KCNIP4: variants seen among roughly 807,000 people sequenced by gnomAD.
KCNIP4 encodes potassium voltage-gated channel interacting protein 4.
KCNIP4 carries 12 observed loss-of-function variants against 34.0 expected under a neutral mutation model. The ratio of observed to expected loss-of-function variants is 0.35; its 90% confidence interval spans 0.23 to 0.57. The LOEUF (loss-of-function observed/expected upper bound fraction) is 0.57. KCNIP4 is among the 20% of genes least tolerant of loss of function. The pLI is 0.83. For synonymous variants in KCNIP4, 124 were observed against 102.2 expected (o/e 1.21, Z -1.29); for missense variants, 238 against 311.7 (o/e 0.76, Z 1.78).
At chr4:21,152,106 A>T (rs1752801306) in intron 1 of KCNIP4, among the ~76,000 whole-genome samples, 1 of 152,262 alleles carries the variant, frequency 6.6e-6, no homozygotes, top group South Asian at 2.1e-4. Context: ...TACAAAAATT[A>T]GCCAGGCATG....
chr4:21,668,619 G>C (rs1749215767), intron 1 of KCNIP4, among the ~76,000 whole-genome samples: 1 of 151,984 alleles, frequency 6.6e-6, no homozygotes, highest in Non-Finnish European at 1.5e-5. Context: ...TATACAAGAA[G>C]ATAACAATAT....
chr4:21,494,033 A>C (rs962717919), intron 1 of KCNIP4, among the ~76,000 whole-genome samples: 1 of 152,216 alleles, frequency 6.6e-6, no homozygotes, highest in Non-Finnish European at 1.5e-5. Flanking sequence ...TTTAATCCTC[A>C]TAACAATTTT....
At chr4:20,862,380 A>C (rs1162270123) in intron 2 of KCNIP4, among the ~76,000 whole-genome samples, 2 of 152,184 alleles carry the variant, frequency 1.3e-5, no homozygotes, top group Non-Finnish European at 2.9e-5. Flanking sequence ...GCTCAGACAG[A>C]AAATCTACAA....
At chr4:20,876,063 A>C (rs1723988369) in intron 2 of KCNIP4, among the ~76,000 whole-genome samples, 1 of 152,058 alleles carries the variant, frequency 6.6e-6, no homozygotes, top group Non-Finnish European at 1.5e-5. Flanking sequence ...AAAAACAAAA[A>C]CCCCTGGAAT....
intron 1 of KCNIP4, among the ~76,000 whole-genome samples, chr4:21,323,278 T>C (rs1284124669): frequency 6.6e-6 from 1 of 151,784 alleles, no homozygotes; most frequent in Non-Finnish European, 1.5e-5. Flanking sequence ...TACAATTCAA[T>C]TATGCTCTTA....
At chr4:21,017,083 T>C (rs1262761475) in intron 1 of KCNIP4, among the ~76,000 whole-genome samples, 1 of 152,212 alleles carries the variant, frequency 6.6e-6, no homozygotes, top group African/African-American at 2.4e-5. Context: ...CTTCAAGAAA[T>C]CTTATCACAT....
intron 1 of KCNIP4, among the ~76,000 whole-genome samples, chr4:20,916,824 T>C (rs1728858377): frequency 6.6e-6 from 1 of 151,586 alleles, no homozygotes; most frequent in Non-Finnish European, 1.5e-5. Flanking sequence ...TAACCTGTGA[T>C]ATGATTAGCT....
At chr4:21,732,025 A>T (rs921974490) in intron 1 of KCNIP4, among the ~76,000 whole-genome samples, 5 of 150,720 alleles carry the variant, frequency 3.3e-5, no homozygotes, top group South Asian at 4.2e-4. Flanking sequence ...CATATATATA[A>T]AAATATATAT....
At chr4:21,836,522 A>G (rs963701073) in intron 1 of KCNIP4, among the ~76,000 whole-genome samples, 10 of 152,166 alleles carry the variant, frequency 6.6e-5, no homozygotes, top group Non-Finnish European at 1.3e-4. Context: ...TACATTTTCC[A>G]GAAAAAAAAA....
chr4:21,670,663 C>T (rs960436071), intron 1 of KCNIP4, among the ~76,000 whole-genome samples: 1 of 151,956 alleles, frequency 6.6e-6, no homozygotes, highest in Non-Finnish European at 1.5e-5. Context: ...TATGAGTAAA[C>T]CTTTTCTTTT....
intron 2 of KCNIP4, among the ~76,000 whole-genome samples, chr4:20,860,165 G>A (rs567179151): frequency 1.3e-5 from 2 of 151,474 alleles, no homozygotes; most frequent in African/African-American, 2.4e-5. Flanking sequence ...TTGAGATGGA[G>A]TCTCGCTCTT....
intron 1 of KCNIP4, among the ~76,000 whole-genome samples, chr4:21,871,291 G>A (rs1462998894): frequency 5.8e-5 from 6 of 103,114 alleles, no homozygotes; most frequent in African/African-American, 1.5e-4. Flanking sequence ...AACAGGCCCC[G>A]GTGTGTGATG....
chr4:21,622,243 C>T (rs1468090108), intron 1 of KCNIP4, among the ~76,000 whole-genome samples: 2 of 152,046 alleles, frequency 1.3e-5, no homozygotes, highest in East Asian at 3.9e-4. Flanking sequence ...CTTTTAATGA[C>T]TTTACCCCCA....
At chr4:21,111,619 G>A (rs912692228) in intron 1 of KCNIP4, among the ~76,000 whole-genome samples, 15 of 152,188 alleles carry the variant, frequency 9.9e-5, no homozygotes, top group African/African-American at 3.6e-4. Context: ...GAAAAATTCA[G>A]TGATGCCCCA....
chr4:21,676,918 A>C (rs1749953725), intron 1 of KCNIP4, among the ~76,000 whole-genome samples: 1 of 152,080 alleles, frequency 6.6e-6, no homozygotes, highest in African/African-American at 2.4e-5. Flanking sequence ...AAAGAGCAAA[A>C]ATATCTCTAA....
intron 1 of KCNIP4, among the ~76,000 whole-genome samples, chr4:21,418,110 C>G (rs1008062609): frequency 6.6e-6 from 1 of 152,106 alleles, no homozygotes; most frequent in Non-Finnish European, 1.5e-5. Context: ...AAGTCTGAAA[C>G]TGTGAAGGCT....
intron 1 of KCNIP4, among the ~76,000 whole-genome samples, chr4:20,948,623 C>A (rs77285093): frequency 0.011 from 1,678 of 152,342 alleles, 31 homozygotes; most frequent in African/African-American, 0.038. Context: ...CCGTTCAGGA[C>A]GTGGCCTGGG....
chr4:21,083,356 G>C lies in KCNIP4; in HGVS notation c.62-200647C>G, dbSNP rs73802455. On this transcript the variant is annotated intron_variant, in intron 1 of 8. Transcript: ENST00000382152. ...ATAGACTAAATCATAGCCCCTAAAA[G>C]AGATATGCCTAGGTACTAATCCCTG... 5.3e-3 allele frequency among the ~76,000 whole-genome samples: 805 copies of C among 151,620 alleles called. 21 individuals are homozygous for C. Among genetic ancestry groups the C allele is most frequent in the African/African-American group, 0.017 (706 of 41,110 alleles).
chr4:21,764,998 T>G (rs1718311436), intron 1 of KCNIP4, among the ~76,000 whole-genome samples: 2 of 152,046 alleles, frequency 1.3e-5, no homozygotes, highest in Admixed American at 1.3e-4. Context: ...CACAGCCATG[T>G]CAACTTGGGA....
Sources: allele counts gnomAD v4.1 joint callset (sites outside exome capture counted in the v4.1 genomes callset), GRCh38; gene constraint gnomAD v4.1.1; transcripts MANE v1.5; gene names NCBI Gene and HGNC (gene_info 2026-07-23, HGNC 2026-07-21).